The following AGRN variants were observed in gnomAD, a reference collection of about 807,000 sequenced individuals.
AGRN encodes agrin.
A neutral mutation model predicts 211.0 loss-of-function variants in AGRN; 106 were observed. That is an observed-to-expected ratio of 0.50 (90% CI 0.43 to 0.59). The LOEUF is 0.59. Ranked by LOEUF, AGRN falls within the 20% of genes least tolerant of loss-of-function variation. The pLI, the probability that AGRN is intolerant of heterozygous loss-of-function variation, is 0.00. For synonymous variants in AGRN, 1,525 were observed against 1,332.5 expected (o/e 1.14, Z -3.15); for missense variants, 3,040 against 2,982.6 (o/e 1.02, Z -0.45).
chr1:1,020,504 C>A, intron 1 of AGRN, 131 bp downstream of exon 1: 1 of 886,590 alleles, frequency 1.1e-6, no homozygotes, highest in East Asian at 3.5e-5. Flanking sequence ...ACCGCCAAGC[C>A]CCGGGAGGGG....
intron 33 of AGRN, chr1:1,053,536 A>G (rs1449020537): frequency 6.5e-7 from 1 of 1,529,652 alleles, no homozygotes; most frequent in Admixed American, 2.0e-5. Context: ...TGGCTGGCCC[A>G]TCTGTCCTCC....
rs535766401 is a variant in AGRN, at chr1:1,044,256, C to T, written c.2147C>T (p.Pro716Leu). The change falls in exon 11 of 36, where the codon CCG becomes CTG. Residue 716 changes from proline (P) to leucine (L), a missense_variant and splice_region_variant. By Grantham distance (98) the Pro-to-Leu change is moderately conservative (BLOSUM62 -3). Around this residue, in one of 3 missense-constraint regions of AGRN, gnomAD observed 1,498 missense variants for 1,457.8 expected, o/e 1.03. Coordinates refer to ENST00000379370, the MANE Select transcript of AGRN (RefSeq NM_198576.4). The stretch of plus-strand genomic sequence containing the variant: ...AGCTGCCAGAGTGTCCCAGGCAGCC[C>T]GGTGAGCTCTGTACCCCTGGCTCTC... ...DFSCQSVPGS[P>L]VCGSDGVTYS... 92 of 1,612,784 alleles carry T rather than the reference C, an allele frequency of 5.7e-5. No homozygotes were observed. Among genetic ancestry groups the T allele is most frequent in the East Asian group, 1.8e-4 (8 of 44,870 alleles).
intron 15 of AGRN, 42 bp downstream of exon 15, chr1:1,045,918 G>C (rs774097712): frequency 6.2e-7 from 1 of 1,611,078 alleles, no homozygotes. Context: ...CATGGGGTGG[G>C]GTGGGGTCAC....
rs773291866 is a variant in AGRN, at chr1:1,041,287, A to G, written c.842A>G (p.Glu281Gly). The G allele has an allele frequency of 8.6e-6, 13 of 1,514,146 alleles. No individual in the cohort carries two copies. The South Asian group carries it at 1.6e-4, about 18-fold the overall frequency. 93.8% of individuals were successfully genotyped at this position (1,514,146 alleles called of 1,614,324 possible). The change falls in exon 5 of 36, where the codon GAG becomes GGG. Residue 281 changes from glutamate (E) to glycine (G), a missense_variant. Around this residue, in one of 3 missense-constraint regions of AGRN, gnomAD observed 1,498 missense variants for 1,457.8 expected, o/e 1.03. Coordinates refer to ENST00000379370, the MANE Select transcript of AGRN (RefSeq NM_198576.4). The stretch of plus-strand genomic sequence containing the variant: ...CCCGCGACCTGCCGTGGCGCCCCCG[A>G]GGGGACCGTCTGCGGCAGCGACGGC... ...LCPATCRGAP[E>G]GTVCGSDGAD...
Position 1,049,743 on chromosome 1 carries a change from C to T in AGRN, c.4692C>T (p.Cys1564=). 6.3e-7 allele frequency: 1 copy of T among 1,580,968 alleles called. No homozygotes were observed. Among genetic ancestry groups the T allele is most frequent in the Non-Finnish European group, 8.6e-7 (1 of 1,165,558 alleles). The change falls in exon 26 of 36, where the codon TGC becomes TGT. Residue 1564 remains cysteine, a synonymous_variant. Coordinates refer to ENST00000379370, the MANE Select transcript of AGRN (RefSeq NM_198576.4). ...ACCCCTGCCATGGCGGGGCCCCATG[C>T]CAGAACCTGGAGGCTGGAAGGTTCC... ...LPNPCHGGAP[C]QNLEAGRFHC... is the part of the protein sequence containing the mutation.
At chr1:1,053,637 C>T (rs1372502969) in intron 33 of AGRN, 116 bp from the exon 34 acceptor site, 1 of 1,488,528 alleles carries the variant, frequency 6.7e-7, no homozygotes, top group African/African-American at 1.4e-5. Context: ...CCAGCCACCC[C>T]TGGGTCCCGT....
Position 1,043,262 on chromosome 1 carries a change from G to T in AGRN, c.1408G>T (p.Gly470Trp). Reference protein sequence around the residue: ...PCDQAPSPCLGVQCAFGATCA... With the variant: ...PCDQAPSPCLWVQCAFGATCA... The stretch of plus-strand genomic sequence containing the variant: ...AGACCAGGCCCCGTCCCCATGCCTC[G>T]GGGTGCAGTGTGCATTTGGGGCGAC... The change falls in exon 8 of 36, where the codon GGG becomes TGG. Residue 470 changes from glycine to tryptophan, a missense_variant. Physicochemically the swap from Gly to Trp is radical, Grantham distance 184. Coordinates refer to ENST00000379370, the MANE Select transcript of AGRN (RefSeq NM_198576.4). 6.2e-7 allele frequency: 1 copy of T among 1,609,966 alleles called. No homozygotes were observed. The highest frequency in any genetic ancestry group is 1.7e-5 in the Admixed American group (1 of 59,414).
At chr1:1,052,788 C>T (rs1448805369) in intron 33 of AGRN, 1 of 149,278 alleles carries the variant, frequency 6.7e-6, no homozygotes, top group Non-Finnish European at 1.4e-5. Flanking sequence ...GCACATGGGT[C>T]CATGTATGTG....
chr1:1,046,110 G>C, intron 16 of AGRN, 22 bp downstream of exon 16: 1 of 1,613,970 alleles, frequency 6.2e-7, no homozygotes, highest in South Asian at 1.1e-5. Flanking sequence ...GGGATGTGAA[G>C]GGGAGTGGGG....
intron 7 of AGRN, among the ~76,000 whole-genome samples, chr1:1,042,523 C>A (rs989455240): frequency 6.6e-6 from 1 of 152,160 alleles, no homozygotes; most frequent in African/African-American, 2.4e-5. Context: ...AGCCGTCGGC[C>A]GTTTTGGAGG....
chr1:1,024,105 G>C (rs994025479), intron 2 of AGRN, among the ~76,000 whole-genome samples: 1 of 152,134 alleles, frequency 6.6e-6, no homozygotes, highest in Admixed American at 6.5e-5. Context: ...AGCATGAGGA[G>C]TGGGGGAGCC....
intron 7 of AGRN, among the ~76,000 whole-genome samples, chr1:1,042,778 C>T (rs1431313779): frequency 6.6e-6 from 1 of 151,988 alleles, no homozygotes; most frequent in East Asian, 1.9e-4. Context: ...GGGGGGGTGG[C>T]TTGCTGCTGC....
Position 1,050,051 on chromosome 1 carries a change from G to T in AGRN, c.4879+14G>T, listed in dbSNP as rs775928920. Reference sequence around the variant, plus strand: ...TCTGCCAGACAGGTCGGGGGCGTGGGGCTCTCGGGGCAGGGGGGGGGGGGG... The same window carrying T: ...TCTGCCAGACAGGTCGGGGGCGTGGTGCTCTCGGGGCAGGGGGGGGGGGGG... On this transcript the variant is annotated intron_variant, in intron 27 of 35. Coordinates refer to ENST00000379370, the MANE Select transcript of AGRN (RefSeq NM_198576.4). The T allele has an allele frequency of 6.5e-7, 1 of 1,541,838 alleles. No homozygotes were observed. The highest frequency in any genetic ancestry group is 1.5e-5 in the African/African-American group (1 of 68,496).
chr1:1,034,756 C>G, intron 2 of AGRN: 3 of 1,014,116 alleles, frequency 3.0e-6, no homozygotes, highest in Non-Finnish European at 3.6e-6. Context: ...CCCCGAGGCC[C>G]CTGCACATAG....
chr1:1,049,125 G>A (rs1570238477), intron 24 of AGRN, 66 bp downstream of exon 24: 1 of 803,592 alleles, frequency 1.2e-6, no homozygotes, highest in South Asian at 2.0e-5. Flanking sequence ...CGGGGGAGGG[G>A]GGGCCGGGGC....
rs547720389 is a variant in AGRN at position 1,046,500 on chromosome 1, C to A, written c.3015C>A (p.Pro1005=). The A allele has an allele frequency of 1.9e-6, 3 of 1,610,832 alleles. No homozygotes were observed. Among genetic ancestry groups the A allele is most frequent in the Admixed American group, 3.3e-5 (2 of 59,892 alleles). Residue 1005 remains proline (P), a synonymous_variant, in exon 18 of 36, where the codon CCC becomes CCA. Transcript: ENST00000379370. ...QALPAPPGAL[P]LAPSSTAHSQ... ...TGCCGGCCCCCCCCGGCGCCCTCCC[C>A]CTGGCTCCCAGCAGTACCGCACACA... is the stretch of plus-strand genomic sequence containing the variant.
rs754169694 is a variant in AGRN, at chr1:1,043,630, G to C, written c.1696G>C (p.Val566Leu). The C allele has an allele frequency of 6.2e-7, 1 of 1,603,546 alleles. No individual in the cohort carries two copies. Among genetic ancestry groups the C allele is most frequent in the Non-Finnish European group, 8.5e-7 (1 of 1,179,756 alleles). ...PSECVALAQP[V>L]CGSDGHTYPS... is the part of the protein sequence containing the mutation. ...TGAATGCGTGGCTTTGGCCCAGCCC[G>C]TGTGTGGCTCCGACGGGCACACGTA... is the stretch of plus-strand genomic sequence containing the variant. Residue 566 changes from valine to leucine, a missense_variant, in exon 9 of 36, where the codon GTG becomes CTG. Transcript: ENST00000379370.
chr1:1,055,125 C>A lies in AGRN; in HGVS notation c.*144C>A. The A allele has an allele frequency of 1.5e-6, 2 of 1,354,542 alleles. No homozygotes were observed. Among genetic ancestry groups the A allele is most frequent in the South Asian group, 1.3e-5 (1 of 77,824 alleles). 83.9% of individuals were successfully genotyped at this position (1,354,542 alleles called of 1,614,324 possible). A position where few individuals can be genotyped will look rare whatever the true frequency, so the allele number is the denominator to read the frequency against. On this transcript the variant is annotated 3_prime_UTR_variant, in exon 36 of 36. Transcript: ENST00000379370. ...TCCGTCCAGGCAGCCGTGCTGCAGA[C>A]AGACCTAGTGCCGAGGGATGGACAG...
At chr1:1,045,111 G>C (rs767009095) in intron 12 of AGRN, 50 bp from the exon 13 acceptor site, 3 of 1,581,846 alleles carry the variant, frequency 1.9e-6, no homozygotes, top group South Asian at 1.1e-5. Flanking sequence ...TGGGTCCAGG[G>C]TGGGTGTCCA....
Sources: allele counts gnomAD v4.1 joint callset (sites outside exome capture counted in the v4.1 genomes callset), GRCh38; gene constraint gnomAD v4.1.1; regional missense constraint gnomAD v4.1.1; transcripts MANE v1.5; gene names NCBI Gene and HGNC (gene_info 2026-07-23, HGNC 2026-07-21).